The following SKIC3 variants were observed in gnomAD, a reference collection of about 807,000 sequenced individuals.
The protein encoded by SKIC3 is SKI3 subunit of superkiller complex.
At chr5:95,546,257 T>C in the SKIC3 span, among the ~76,000 whole-genome samples, 1 of 150,028 alleles carries the variant, frequency 6.7e-6, no homozygotes, top group Non-Finnish European at 1.5e-5. Context: ...TTCACTTTAA[T>C]AGCTTGAAAC....
chr5:95,495,242 A>T, the SKIC3 span: 1 of 517,102 alleles, frequency 1.9e-6, no homozygotes, highest in Non-Finnish European at 3.4e-6. Flanking sequence ...TACTTTCAAA[A>T]TATTCATTTG....
chr5:95,529,459 C>T, the SKIC3 span: 2 of 350,856 alleles, frequency 5.7e-6, no homozygotes, highest in Admixed American at 3.9e-5. Flanking sequence ...ACTGTGCAAA[C>T]TCCTTACCAA....
the SKIC3 span, chr5:95,517,180 A>G: frequency 1.2e-6 from 2 of 1,613,348 alleles, no homozygotes; most frequent in South Asian, 2.2e-5. Flanking sequence ...TTTTTCTTTA[A>G]TACTTGTTTT....
chr5:95,492,561 C>T, the SKIC3 span, among the ~76,000 whole-genome samples: 8 of 119,800 alleles, frequency 6.7e-5, no homozygotes, highest in Admixed American at 4.6e-4. Context: ...GGCGTGAACC[C>T]GGGAGGCGGA....
At chr5:95,484,519 T>A in the SKIC3 span, among the ~76,000 whole-genome samples, 1 of 151,938 alleles carries the variant, frequency 6.6e-6, no homozygotes, top group Non-Finnish European at 1.5e-5. Context: ...GTTAATTTTT[T>A]AATTTTTTGT....
At chr5:95,554,216 C>CAAAAAA in the SKIC3 span, among the ~76,000 whole-genome samples, 15 of 149,530 alleles carry the variant, frequency 1.0e-4, 1 homozygote, top group African/African-American at 2.9e-4. Context: ...TTATCTTAGG[C>CAAAAAA]AAAAAAAAAC....
At chr5:95,528,702 G>T in the SKIC3 span, 1,489 of 395,350 alleles carry the variant, frequency 3.8e-3, 18 homozygotes, top group African/African-American at 0.028. Context: ...ATGTGTCTTG[G>T]ACACACCAGA....
the SKIC3 span, among the ~76,000 whole-genome samples, chr5:95,464,855 T>C: frequency 6.6e-6 from 1 of 151,962 alleles, no homozygotes; most frequent in Non-Finnish European, 1.5e-5. Context: ...TATAAATTGT[T>C]TAAACGAAGC....
the SKIC3 span, among the ~76,000 whole-genome samples, chr5:95,501,303 T>C: frequency 6.6e-6 from 1 of 152,196 alleles, no homozygotes; most frequent in Non-Finnish European, 1.5e-5. Context: ...AATATCTGTA[T>C]GTTGTCTTTT....
At chr5:95,488,485 T>C in the SKIC3 span, among the ~76,000 whole-genome samples, 2 of 152,184 alleles carry the variant, frequency 1.3e-5, no homozygotes, top group Non-Finnish European at 2.9e-5. Flanking sequence ...ACAGCAGATC[T>C]GTCAGCAGAA....
the SKIC3 span, among the ~76,000 whole-genome samples, chr5:95,492,699 T>TAAAAAAAAAAAA: frequency 5.8e-5 from 4 of 68,472 alleles, no homozygotes; most frequent in Non-Finnish European, 1.0e-4. Flanking sequence ...ACAAGACAAC[T>TAAAAAAAAAAAA]AAACTAGATA....
chr5:95,541,531 A>G, the SKIC3 span: 1 of 762,432 alleles, frequency 1.3e-6, no homozygotes, highest in Admixed American at 2.7e-5. Context: ...ATACTACAGT[A>G]AAATTTTCTA....
the SKIC3 span, chr5:95,469,647 AT>A: frequency 3.2e-6 from 4 of 1,238,358 alleles, no homozygotes; most frequent in Non-Finnish European, 4.7e-6. Context: ...AGATACAGAT[AT>A]ATAAATACCC....
chr5:95,521,982 G>C, the SKIC3 span: 1 of 1,592,532 alleles, frequency 6.3e-7, no homozygotes, highest in East Asian at 2.2e-5. Context: ...AATACATTTA[G>C]GCAGGAAATC....
chr5:95,466,820 G>A, the SKIC3 span, among the ~76,000 whole-genome samples: 1 of 152,092 alleles, frequency 6.6e-6, no homozygotes, highest in Admixed American at 6.6e-5. Flanking sequence ...GTCGCTTTGG[G>A]AAAAACTCTT....
the SKIC3 span, chr5:95,530,080 T>C: frequency 1.2e-6 from 2 of 1,612,466 alleles, no homozygotes; most frequent in Non-Finnish European, 1.7e-6. Flanking sequence ...CCATACACTG[T>C]ACATTTACCT....
the SKIC3 span, among the ~76,000 whole-genome samples, chr5:95,547,311 C>T: frequency 6.6e-6 from 1 of 152,116 alleles, no homozygotes; most frequent in African/African-American, 2.4e-5. Flanking sequence ...ATTCCTTAAC[C>T]TCTTCAGATC....
the SKIC3 span, among the ~76,000 whole-genome samples, chr5:95,491,745 T>A: frequency 7.9e-5 from 12 of 152,310 alleles, no homozygotes; most frequent in South Asian, 8.3e-4. Flanking sequence ...AATATGGAAT[T>A]TAGAAGTTTT....
the SKIC3 span, chr5:95,513,495 A>C: frequency 2.3e-5 from 35 of 1,496,928 alleles, no homozygotes; most frequent in Non-Finnish European, 2.9e-5. Context: ...GCCTAGCCCA[A>C]TATCTATTCA....
Sources: gnomAD v4.1 joint callset for allele counts (sites outside exome capture counted in the v4.1 genomes callset) on GRCh38, gnomAD v4.1.1 for gene constraint, MANE v1.5 for transcripts, NCBI Gene and HGNC (gene_info 2026-07-23, HGNC 2026-07-21) for gene names.